The following NRXN3 variants were observed in gnomAD, a reference collection of about 807,000 sequenced individuals.
NRXN3 encodes neurexin III.
NRXN3 carries 32 observed loss-of-function variants against 137.6 expected under a neutral mutation model. That is an observed-to-expected ratio of 0.23 (90% CI 0.18 to 0.31). The LOEUF (loss-of-function observed/expected upper bound fraction) is 0.31, where lower values mean the gene tolerates loss of function less well. Among genes scored for constraint, NRXN3 ranks in the 10% least tolerant of loss-of-function variants. The pLI, the probability that NRXN3 is intolerant of heterozygous loss-of-function variation, is 1.00. For synonymous variants in NRXN3, 798 were observed against 784.5 expected (o/e 1.02, Z -0.29); for missense variants, 1,574 against 2,062.5 (o/e 0.76, Z 4.59).
intron 15 of NRXN3, among the ~76,000 whole-genome samples, chr14:79,033,570 C>T (rs2099611213): frequency 6.6e-6 from 1 of 152,034 alleles, no homozygotes; most frequent in Admixed American, 6.6e-5. Context: ...TATGTCTCTC[C>T]TAAAGAGTTA....
intron 20 of NRXN3, chr14:79,853,946 C>G: frequency 9.1e-6 from 9 of 988,772 alleles, no homozygotes; most frequent in Non-Finnish European, 9.6e-6. Flanking sequence ...TCCCAAACCC[C>G]CCAAAGTAAA....
chr14:78,980,684 A>G (rs996429122), intron 14 of NRXN3, among the ~76,000 whole-genome samples: 2 of 152,208 alleles, frequency 1.3e-5, no homozygotes, highest in African/African-American at 2.4e-5. Context: ...TTTGGCAGCC[A>G]TCAGAATTAT....
chr14:79,533,082 A>G (rs1340074739), intron 16 of NRXN3, among the ~76,000 whole-genome samples: 1 of 20,676 alleles, frequency 4.8e-5, no homozygotes, highest in African/African-American at 2.3e-4. Flanking sequence ...CTAGATTTTA[A>G]TAATTTCTTA....
At chr14:79,434,676 T>C (rs1385116872) in intron 15 of NRXN3, among the ~76,000 whole-genome samples, 1 of 152,096 alleles carries the variant, frequency 6.6e-6, no homozygotes, top group Non-Finnish European at 1.5e-5. Flanking sequence ...GAGGTGAAGA[T>C]TGAGTGCAGG....
intron 15 of NRXN3, among the ~76,000 whole-genome samples, chr14:79,042,015 G>A (rs2099625839): frequency 6.6e-6 from 1 of 152,210 alleles, no homozygotes. Context: ...ACAGGAAAAA[G>A]CAAAGTGGAG....
At chr14:79,350,624 A>G (rs1012055103) in intron 15 of NRXN3, among the ~76,000 whole-genome samples, 1 of 152,086 alleles carries the variant, frequency 6.6e-6, no homozygotes, top group Non-Finnish European at 1.5e-5. Flanking sequence ...TTGTTTTCAT[A>G]GGTTTTTTTT....
intron 17 of NRXN3, among the ~76,000 whole-genome samples, chr14:79,666,523 A>G (rs2098557771): frequency 6.6e-6 from 1 of 152,114 alleles, no homozygotes; most frequent in East Asian, 1.9e-4. Context: ...AAATAAAAAC[A>G]GAGACCCAAG....
intron 6 of NRXN3, among the ~76,000 whole-genome samples, chr14:78,673,939 G>A (rs983937489): frequency 6.6e-6 from 1 of 152,116 alleles, no homozygotes. Context: ...TTTTTTGAGG[G>A]GAGTGGAACG....
chr14:78,990,361 ATTTTTTT>A (rs1163720240), intron 15 of NRXN3, among the ~76,000 whole-genome samples: 28 of 76,066 alleles, frequency 3.7e-4, no homozygotes, highest in African/African-American at 1.1e-3. Flanking sequence ...GTTCACATCT[ATTTTTTT>A]TTTTTTTTTT....
At chr14:78,333,759 T>C (rs978095993) in intron 4 of NRXN3, among the ~76,000 whole-genome samples, 24 of 152,314 alleles carry the variant, frequency 1.6e-4, no homozygotes, top group Admixed American at 1.2e-3. Flanking sequence ...CTTTGATGGC[T>C]TCTGTGAGGA....
intron 15 of NRXN3, among the ~76,000 whole-genome samples, chr14:79,389,933 T>TA (rs1000804064): frequency 2.0e-4 from 30 of 152,214 alleles, no homozygotes; most frequent in African/African-American, 6.5e-4. Flanking sequence ...GATTTACATT[T>TA]GCTAACTGGA....
chr14:78,803,889 T>C (rs904838368), intron 9 of NRXN3, 66 bp downstream of exon 9: 90 of 1,418,994 alleles, frequency 6.3e-5, no homozygotes, highest in Non-Finnish European at 8.2e-5. Context: ...CTGATTTTCA[T>C]TGGTTTGATT....
chr14:79,428,120 T>C (rs902000053), intron 15 of NRXN3, among the ~76,000 whole-genome samples: 1 of 152,166 alleles, frequency 6.6e-6, no homozygotes, highest in Non-Finnish European at 1.5e-5. Context: ...TGCTTTAATA[T>C]CTGGCAATGG....
intron 10 of NRXN3, among the ~76,000 whole-genome samples, chr14:78,856,483 C>G (rs538671035): frequency 6.6e-6 from 1 of 152,134 alleles, no homozygotes; most frequent in African/African-American, 2.4e-5. Context: ...CTTGAAATAG[C>G]AATTATTTTA....
intron 4 of NRXN3, among the ~76,000 whole-genome samples, chr14:78,385,154 T>C (rs958705454): frequency 1.3e-5 from 2 of 152,180 alleles, no homozygotes; most frequent in African/African-American, 4.8e-5. Context: ...ATATATGTCA[T>C]GTGGTTTCAC....
chr14:79,029,174 A>G (rs139017133), intron 15 of NRXN3, among the ~76,000 whole-genome samples: 2 of 152,116 alleles, frequency 1.3e-5, no homozygotes, highest in African/African-American at 4.8e-5. Flanking sequence ...GAGAGGAAAT[A>G]TGGTATATCA....
At chr14:79,531,812 A>G (rs369538198) in intron 16 of NRXN3, among the ~76,000 whole-genome samples, 28 of 152,180 alleles carry the variant, frequency 1.8e-4, no homozygotes, top group African/African-American at 6.8e-4. Flanking sequence ...ACACCTGTTG[A>G]ATCTCTGTTG....
intron 4 of NRXN3, among the ~76,000 whole-genome samples, chr14:78,524,307 A>G (rs1177616858): frequency 1.3e-5 from 2 of 152,242 alleles, no homozygotes; most frequent in Non-Finnish European, 2.9e-5. Flanking sequence ...ACACTGTGGT[A>G]CAGTGATCCG....
chr14:78,965,481 A>G (rs1455634673), intron 11 of NRXN3, among the ~76,000 whole-genome samples: 1 of 152,182 alleles, frequency 6.6e-6, no homozygotes, highest in Non-Finnish European at 1.5e-5. Flanking sequence ...CAGGTGGTTG[A>G]AAGGTCAAGA....
Sources: gnomAD v4.1 joint callset for allele counts (sites outside exome capture counted in the v4.1 genomes callset) on GRCh38, gnomAD v4.1.1 for gene constraint, MANE v1.5 for transcripts, NCBI Gene and HGNC (gene_info 2026-07-23, HGNC 2026-07-21) for gene names.